Variants in ARID1B observed in about 807,000 individuals in gnomAD.
The protein encoded by ARID1B is AT-rich interactive domain-containing protein 1B.
A neutral mutation model predicts 212.3 loss-of-function variants in ARID1B; 30 were observed. That is an observed-to-expected ratio of 0.14 (90% CI 0.11 to 0.19). The LOEUF (loss-of-function observed/expected upper bound fraction) is 0.19. ARID1B is among the 10% of genes least tolerant of loss of function. The probability of loss-of-function intolerance (pLI) is 1.00; values close to 1 mark genes in which losing one functional copy is unlikely to be tolerated. For missense variants in ARID1B, 2,891 were observed against 3,204.0 expected, an observed-to-expected ratio of 0.90 and a Z score of 2.36; for synonymous variants, 1,402 against 1,301.7, an observed-to-expected ratio of 1.08 and a Z score of -1.66.
In ARID1B at chr6:156,778,268, C is replaced by CCAGCAGCAGCAGCAG. The variant is rs587779743; in HGVS notation, c.597_611dup (p.Gln210_Gln214dup). Reference sequence around the variant, plus strand: ...CACTACAGCAGCAGCTAAACCAGTTCCAGCAGCAGCAGCAGCAGCAGCAAC... The same window carrying CCAGCAGCAGCAGCAG: ...CACTACAGCAGCAGCTAAACCAGTTCCAGCAGCAGCAGCAGCAGCAGCAGCAGCAGCAGCAGCAAC... On this transcript the variant is annotated inframe_insertion, in exon 1 of 20. Transcript: ENST00000636930. 2.7e-5 allele frequency: 41 copies of CCAGCAGCAGCAGCAG among 1,536,826 alleles called. No individual in the cohort carries two copies. Among genetic ancestry groups the CCAGCAGCAGCAGCAG allele is most frequent in the African/African-American group, 1.4e-4 (10 of 72,664 alleles).
chr6:156,801,364 T>C (rs1780775848), intron 1 of ARID1B, among the ~76,000 whole-genome samples: 1 of 151,858 alleles, frequency 6.6e-6, no homozygotes, highest in Admixed American at 6.6e-5. Context: ...CAGGTCTGGG[T>C]AATTTTTTGT....
chr6:156,900,190 G>A (rs971943506), intron 2 of ARID1B, among the ~76,000 whole-genome samples: 3 of 152,184 alleles, frequency 2.0e-5, no homozygotes, highest in African/African-American at 7.2e-5. Flanking sequence ...ATTGTGAGCC[G>A]TTATGGTCAC....
In ARID1B at chr6:157,174,041, G is replaced by T. The variant is rs1337807420; in HGVS notation, c.3269G>T (p.Gly1090Val). ...SVGLADMMSP[G>V]ESKLPLPLKA... is the part of the protein sequence containing the mutation. ...GGTCTTGCAGATATGATGTCTCCTG[G>T]TGAATCCAAACTGCCCCTGCCTCTC... Residue 1090 changes from glycine (G) to valine (V), a missense_variant, in exon 10 of 20, where the codon GGT becomes GTT. Physicochemically the swap from Gly to Val is moderately radical, Grantham distance 109. Around this residue, in one of 7 missense-constraint regions of ARID1B, gnomAD observed 1,643 missense variants for 1,544.0 expected, o/e 1.06. Transcript: ENST00000636930. The T allele has an allele frequency of 1.9e-6, 3 of 1,614,048 alleles. No individual in the cohort carries two copies. The highest frequency in any genetic ancestry group is 2.5e-6 in the Non-Finnish European group (3 of 1,179,998).
In ARID1B at chr6:156,851,849, T is replaced by C. The variant is rs187390535; in HGVS notation, c.1986+22428T>C. 5.2e-3 allele frequency among the ~76,000 whole-genome samples: 796 copies of C among 152,324 alleles called. 6 individuals carry two copies. The highest frequency in any genetic ancestry group is 8.3e-3 in the Non-Finnish European group (565 of 68,028). On this transcript the variant is annotated intron_variant, in intron 2 of 19. Coordinates refer to ENST00000636930, the MANE Select transcript of ARID1B (RefSeq NM_001374828.1). ...CTAGGCTTGAATATAGCTAGCTAAATGGTCTTTAGCAAATTGACTGGCAGT... is the reference window on the plus strand; with the variant it reads ...CTAGGCTTGAATATAGCTAGCTAAACGGTCTTTAGCAAATTGACTGGCAGT...
chr6:157,023,065 G>A (rs552530354), intron 4 of ARID1B: 1 of 152,166 alleles, frequency 6.6e-6, no homozygotes, highest in Non-Finnish European at 1.5e-5. Context: ...TAATAGCAGG[G>A]ACATTTCTGA....
chr6:156,840,784 G>A (rs969675081), intron 2 of ARID1B, among the ~76,000 whole-genome samples: 1 of 112,332 alleles, frequency 8.9e-6, no homozygotes, highest in Non-Finnish European at 2.0e-5. Context: ...CTGTCTTGCT[G>A]TGTCATGTCC....
At chr6:157,109,316 A>G (rs984434426) in intron 5 of ARID1B, among the ~76,000 whole-genome samples, 1 of 152,198 alleles carries the variant, frequency 6.6e-6, no homozygotes, top group African/African-American at 2.4e-5. Context: ...TCTTTTGAGC[A>G]ATATGCCTGA....
intron 4 of ARID1B, among the ~76,000 whole-genome samples, chr6:157,061,178 C>T (rs991536818): frequency 6.6e-6 from 1 of 152,128 alleles, no homozygotes; most frequent in South Asian, 2.1e-4. Context: ...TTGTGTCTTT[C>T]TTATACATTT....
intron 1 of ARID1B, chr6:156,780,211 T>G (rs1018496996): frequency 6.6e-6 from 1 of 152,256 alleles, no homozygotes; most frequent in Admixed American, 6.5e-5. Flanking sequence ...GGGAGTCACC[T>G]TCAACAGGCA....
intron 4 of ARID1B, among the ~76,000 whole-genome samples, chr6:156,969,837 G>T (rs1003679508): frequency 1.3e-5 from 2 of 150,986 alleles, no homozygotes; most frequent in South Asian, 2.1e-4. Flanking sequence ...AACTTAGAAG[G>T]CTCAATAATT....
chr6:156,945,667 A>G (rs975042411), intron 4 of ARID1B, among the ~76,000 whole-genome samples: 25 of 152,168 alleles, frequency 1.6e-4, no homozygotes, highest in South Asian at 2.1e-4. Context: ...GTTTGGCTTT[A>G]GAATGGTAAT....
chr6:157,116,477 T>G (rs1025786122), intron 6 of ARID1B, among the ~76,000 whole-genome samples: 4 of 149,114 alleles, frequency 2.7e-5, no homozygotes, highest in Non-Finnish European at 3.0e-5. Context: ...TTAACCCTTT[T>G]TATCTAGTAA....
intron 8 of ARID1B, among the ~76,000 whole-genome samples, chr6:157,153,568 GC>G (rs1036065947): frequency 2.0e-5 from 3 of 152,192 alleles, no homozygotes; most frequent in Non-Finnish European, 4.4e-5. Flanking sequence ...GCTCTCTGTA[GC>G]ATCATTTTGG....
intron 6 of ARID1B, among the ~76,000 whole-genome samples, chr6:157,123,068 T>C (rs17088160): frequency 0.018 from 2,694 of 152,254 alleles, 67 homozygotes; most frequent in African/African-American, 0.058. Flanking sequence ...GACAAATGTT[T>C]ATCAAGCTAC....
At chr6:156,929,872 C>T (rs1425787554) in intron 3 of ARID1B, among the ~76,000 whole-genome samples, 2 of 152,042 alleles carry the variant, frequency 1.3e-5, no homozygotes, top group South Asian at 2.1e-4. Flanking sequence ...CTCCTCCATT[C>T]CTCCATCATC....
At chr6:156,924,423 C>T (rs984413226) in intron 3 of ARID1B, among the ~76,000 whole-genome samples, 1 of 152,194 alleles carries the variant, frequency 6.6e-6, no homozygotes, top group African/African-American at 2.4e-5. Flanking sequence ...GCCAGCATCA[C>T]TATTCTGGTG....
chr6:156,885,785 C>G (rs1332648198), intron 2 of ARID1B, among the ~76,000 whole-genome samples: 1 of 152,194 alleles, frequency 6.6e-6, no homozygotes, highest in Non-Finnish European at 1.5e-5. Flanking sequence ...CCCAGTATCA[C>G]AAGTTTATCA....
At position 157,206,139 on chromosome 6, in the gene ARID1B, TC is replaced by T. The variant is rs1161941543; in HGVS notation, c.5395-27del. 14 of 1,608,916 alleles carry T rather than the reference TC, an allele frequency of 8.7e-6. No individual in the cohort carries two copies. The highest frequency in any genetic ancestry group is 1.3e-5 in the African/African-American group (1 of 74,680). On this transcript the variant is annotated intron_variant, in intron 19 of 19. Coordinates refer to ENST00000636930, the MANE Select transcript of ARID1B (RefSeq NM_001374828.1). This position sits in a 1 kb window ranked among gnomAD's most constrained non-coding sequence, Gnocchi z 6.8. ...ATGTCATGACATTGTACCTGTTCTT[TC>T]TTTCTTCTCCTCCTCCTCCTCTCCA...
chr6:156,973,285 T>G (rs1015911088), intron 4 of ARID1B, among the ~76,000 whole-genome samples: 7 of 152,200 alleles, frequency 4.6e-5, no homozygotes, highest in Non-Finnish European at 2.9e-5. Context: ...TTTTTTTTTA[T>G]TTTTTGGTAA....
Sources: gnomAD v4.1 joint callset for allele counts (sites outside exome capture counted in the v4.1 genomes callset) on GRCh38, gnomAD v4.1.1 for gene constraint, gnomAD v4.1.1 regional missense constraint, Gnocchi (gnomAD v3.1) non-coding constraint, MANE v1.5 for transcripts, NCBI Gene and HGNC (gene_info 2026-07-23, HGNC 2026-07-21) for gene names.